UGT2B4: variants seen among roughly 807,000 people sequenced by gnomAD.
UGT2B4 encodes the protein UDP glucuronosyltransferase family 2 member B4.
In UGT2B4, 49 loss-of-function variants were observed where a neutral mutation model predicts 49.8. That is an observed-to-expected ratio of 0.98 (90% CI 0.78 to 1.25). UGT2B4 has a LOEUF of 1.25. Ranked by LOEUF, UGT2B4 falls within the 50% of genes most tolerant of loss-of-function variation. UGT2B4 has a pLI of 0.00. For missense variants in UGT2B4, 729 were observed against 627.7 expected (o/e 1.16, Z -1.73); for synonymous variants, 246 against 217.7 (o/e 1.13, Z -1.14).
Position 69,485,184 on chromosome 4 carries a change from G to C in UGT2B4, c.1310+24C>G, listed in dbSNP as rs759852640. 234 of 1,612,342 alleles carry C rather than the reference G, an allele frequency of 1.5e-4. 1 individual carries two copies. Among genetic ancestry groups the C allele is most frequent in the Non-Finnish European group, 8.5e-6 (10 of 1,179,012 alleles). On this transcript the variant is annotated intron_variant, in intron 5 of 5. Coordinates refer to ENST00000305107, the MANE Select transcript of UGT2B4 (RefSeq NM_021139.3). ...AGGGAACCTATCTATAAAGACCACCGAGTAAAAAAAAAGTTATACTCACAA... is the reference window on the plus strand; with the variant it reads ...AGGGAACCTATCTATAAAGACCACCCAGTAAAAAAAAAGTTATACTCACAA...
At chr4:69,522,316 T>A (rs1398105079) in intron 1 of UGT2B4, among the ~76,000 whole-genome samples, 3 of 152,180 alleles carry the variant, frequency 2.0e-5, no homozygotes, top group Non-Finnish European at 4.4e-5. Context: ...TTATCAATCA[T>A]TTTTCTCATG....
intron 1 of UGT2B4, among the ~76,000 whole-genome samples, chr4:69,518,924 C>T (rs1386134308): frequency 6.6e-6 from 1 of 152,228 alleles, no homozygotes; most frequent in East Asian, 1.9e-4. Context: ...TATGGAACAA[C>T]TAAGAAAAGC....
In UGT2B4 at chr4:69,495,513, A is replaced by G. The variant is rs1187449799; in HGVS notation, c.349T>C (p.Trp117Arg). ...TTTCTAAGTATGTCATTAAATGTCC[A>G]CATGATTTCTTGTACTTGTGAAAAA... ...SYFSQVQEIM[W>R]TFNDILRKFC... The change falls in exon 1 of 6, where the codon TGG (tryptophan) becomes CGG (arginine). Residue 117 changes from tryptophan to arginine, a missense_variant. By Grantham distance (101) the Trp-to-Arg change is moderately radical. Transcript: ENST00000305107. The G allele has an allele frequency of 1.2e-6, 2 of 1,612,446 alleles. No individual in the cohort carries two copies. The highest frequency in any genetic ancestry group is 8.5e-7 in the Non-Finnish European group (1 of 1,179,090).
intron 2 of UGT2B4, among the ~76,000 whole-genome samples, chr4:69,491,683 G>T (rs764674975): frequency 6.6e-6 from 1 of 152,002 alleles, no homozygotes; most frequent in Admixed American, 6.6e-5. Context: ...CATGTACTAC[G>T]ACTCAATCTT....
intron 1 of UGT2B4, among the ~76,000 whole-genome samples, chr4:69,524,590 T>C (rs1363503273): frequency 1.3e-5 from 2 of 152,076 alleles, no homozygotes; most frequent in Non-Finnish European, 2.9e-5. Context: ...TAAAGCTTTA[T>C]GAAAATTAGC....
intron 1 of UGT2B4, among the ~76,000 whole-genome samples, chr4:69,523,962 A>G (rs1046560160): frequency 6.6e-6 from 1 of 152,118 alleles, no homozygotes; most frequent in African/African-American, 2.4e-5. Flanking sequence ...AATGTCTGCT[A>G]GCTTCCAACT....
At chr4:69,501,551 C>T (rs2109820750) in intron 1 of UGT2B4, among the ~76,000 whole-genome samples, 1 of 152,284 alleles carries the variant, frequency 6.6e-6, no homozygotes, top group South Asian at 2.1e-4. Flanking sequence ...CACAGCAAAG[C>T]AGTCCTACAA....
intron 1 of UGT2B4, among the ~76,000 whole-genome samples, chr4:69,508,331 C>T (rs913536433): frequency 1.3e-5 from 2 of 152,054 alleles, no homozygotes; most frequent in African/African-American, 4.8e-5. Flanking sequence ...TACCATTTGA[C>T]CCAGCAATCC....
chr4:69,498,309 G>C (rs111981418), upstream of UGT2B4, among the ~76,000 whole-genome samples: 9 of 152,284 alleles, frequency 5.9e-5, 1 homozygote, highest in African/African-American at 2.2e-4. Flanking sequence ...ATTATTATAA[G>C]TGGGGGAGTG....
In UGT2B4 at chr4:69,495,666, G is replaced by A. The variant is rs749887583; in HGVS notation, c.196C>T (p.Pro66Ser). 1 of 1,613,894 alleles carries A rather than the reference G, an allele frequency of 6.2e-7. No individual in the cohort carries two copies. The highest frequency in any genetic ancestry group is 8.5e-7 in the Non-Finnish European group (1 of 1,179,974). Residue 66 changes from proline (P) to serine (S), a missense_variant, in exon 1 of 6, where the codon CCC (proline) becomes TCC (serine). By Grantham distance (74) the Pro-to-Ser change is moderately conservative. Coordinates refer to ENST00000305107, the MANE Select transcript of UGT2B4 (RefSeq NM_021139.3). Reference sequence around the variant, plus strand: ...AATTTAAGAGTAGATGGGCTGTTGGGATCGAAAGAAATGGAAGCTGAAGAT... The same window carrying A: ...AATTTAAGAGTAGATGGGCTGTTGGAATCGAAAGAAATGGAAGCTGAAGAT... ...LASSASISFDPNSPSTLKFEV... is the reference protein window; with the variant it reads ...LASSASISFDSNSPSTLKFEV...
intron 2 of UGT2B4, among the ~76,000 whole-genome samples, chr4:69,492,746 AC>A (rs1728027199): frequency 6.6e-6 from 1 of 152,056 alleles, no homozygotes; most frequent in Admixed American, 6.6e-5. Context: ...ATTTGTATTA[AC>A]TTTTTTCCAC....
chr4:69,512,032 T>C (rs1728617517), intron 1 of UGT2B4, among the ~76,000 whole-genome samples: 1 of 152,004 alleles, frequency 6.6e-6, no homozygotes, highest in Admixed American at 6.6e-5. Flanking sequence ...TATTTGATTA[T>C]TCTATTTTTC....
Position 69,495,596 on chromosome 4 carries a change from A to G in UGT2B4, c.266T>C (p.Ile89Thr). ...CCATCTCTTAACCAGCTGCTTGATA[A>G]TATCCTCAAACTCAGTTTTAGTTAA... Reference protein sequence around the residue: ...VSLTKTEFEDIIKQLVKRWAE... With the variant: ...VSLTKTEFEDTIKQLVKRWAE... Residue 89 changes from isoleucine to threonine, a missense_variant, in exon 1 of 6, where the codon ATT becomes ACT. Coordinates refer to ENST00000305107, the MANE Select transcript of UGT2B4 (RefSeq NM_021139.3). 6.2e-7 allele frequency: 1 copy of G among 1,614,018 alleles called. No homozygotes were observed. The highest frequency in any genetic ancestry group is 2.2e-5 in the East Asian group (1 of 44,836).
upstream of UGT2B4, among the ~76,000 whole-genome samples, chr4:69,496,305 G>A (rs963678303): frequency 2.0e-5 from 3 of 151,492 alleles, 1 homozygote; most frequent in Middle Eastern, 0.01. Flanking sequence ...GATTACAGGC[G>A]TGAGCCACCG....
At chr4:69,490,128 T>A (rs977481523) in intron 2 of UGT2B4, among the ~76,000 whole-genome samples, 4 of 152,086 alleles carry the variant, frequency 2.6e-5, no homozygotes, top group Middle Eastern at 3.2e-3. Context: ...TTTTCCAGTC[T>A]TTTTTCAAAA....
At chr4:69,509,122 T>C (rs1728544660) in intron 1 of UGT2B4, among the ~76,000 whole-genome samples, 1 of 152,072 alleles carries the variant, frequency 6.6e-6, no homozygotes, top group South Asian at 2.1e-4. Context: ...CTGAAGGTTT[T>C]TTTATGTTGT....
rs113978138 is a variant in UGT2B4 at position 69,503,625 on chromosome 4, C to G, written c.-105-7659G>C. Among the ~76,000 whole-genome samples, 10 of 152,288 alleles carry G rather than the reference C, an allele frequency of 6.6e-5. 1 individual carries two copies. The highest frequency in any genetic ancestry group is 2.4e-4 in the African/African-American group (10 of 41,560). On this transcript the variant is annotated intron_variant, in intron 1 of 1. Coordinates refer to the UGT2B4 transcript ENST00000510114. ...AAAGCTGCACAGAGAACAGGAAATC[C>G]TCCCATAACCTAAGTGATCACTCTT...
At chr4:69,500,857 TG>T (rs1407752623), upstream of UGT2B4, among the ~76,000 whole-genome samples, 2 of 152,072 alleles carry the variant, frequency 1.3e-5, no homozygotes, top group African/African-American at 4.8e-5. Flanking sequence ...GGGCCTTAAT[TG>T]TGACACACAG....
chr4:69,500,608 A>AGAAG (rs1728284424), upstream of UGT2B4, among the ~76,000 whole-genome samples: 1 of 99,036 alleles, frequency 1.0e-5, no homozygotes, highest in African/African-American at 3.6e-5. Flanking sequence ...AAAGCAAGGA[A>AGAAG]GAAAGAAAGA....
Sources: allele counts gnomAD v4.1 joint callset (sites outside exome capture counted in the v4.1 genomes callset), GRCh38; gene constraint gnomAD v4.1.1; transcripts MANE v1.5; gene names NCBI Gene and HGNC (gene_info 2026-07-23, HGNC 2026-07-21).